Variants in MRPL42 observed in about 807,000 individuals in gnomAD.
MRPL42 encodes large ribosomal subunit protein mL42.
MRPL42 carries 17 observed loss-of-function variants against 17.9 expected under a neutral mutation model. The observed-to-expected ratio is 0.95, with a 90% CI of 0.65 to 1.42. The LOEUF is 1.42. MRPL42 is among the 40% of genes most tolerant of loss of function. MRPL42 has a pLI of 0.00. For synonymous variants in MRPL42, 59 were observed against 54.4 expected (o/e 1.08, Z -0.37); for missense variants, 177 against 175.2 (o/e 1.01, Z -0.06).
At chr12:93,469,376 T>C in intron 2 of MRPL42, 21 bp downstream of exon 2, 2 of 1,556,630 alleles carry the variant, frequency 1.3e-6, no homozygotes, top group East Asian at 4.6e-5. Context: ...TTTTTTTTAA[T>C]GTTTAAAAAC....
chr12:93,470,577 A>G (rs1879862597), intron 2 of MRPL42: 3 of 1,252,924 alleles, frequency 2.4e-6, no homozygotes, highest in African/African-American at 1.5e-5. Context: ...AATAGTGAAC[A>G]TAGTACCCAA....
At chr12:93,499,499 T>C (rs1346478463) in intron 5 of MRPL42, among the ~76,000 whole-genome samples, 1 of 152,170 alleles carries the variant, frequency 6.6e-6, no homozygotes, top group Non-Finnish European at 1.5e-5. Flanking sequence ...CCAAACTCCT[T>C]CTAGAACCAC....
At chr12:93,474,680 T>C (rs967045222) in intron 2 of MRPL42, among the ~76,000 whole-genome samples, 4 of 152,112 alleles carry the variant, frequency 2.6e-5, no homozygotes, top group African/African-American at 4.8e-5. Flanking sequence ...TGAGCAGTGT[T>C]GGCCTCCCAA....
chr12:93,502,060 T>C lies in MRPL42; in HGVS notation c.*839T>C, dbSNP rs2121284801. 6.6e-6 allele frequency: 1 copy of C among 152,276 alleles called. No homozygotes were observed. Among genetic ancestry groups the C allele is most frequent in the East Asian group, 1.9e-4 (1 of 5,180 alleles). The allele number at this position is 152,276 out of a possible 1,614,324, so 9.4% of individuals were successfully genotyped here. ...AACTATCAGGCTCCAAAGCTTTTTT[T>C]TAGTGCATCACAATGACAAAGGGGT... On this transcript the variant is annotated 3_prime_UTR_variant, in exon 6 of 6. Transcript: ENST00000549982.
Position 93,510,802 on chromosome 12 carries a change from A to G in MRPL42, c.*9581A>G, listed in dbSNP as rs1953718959. 6.6e-6 allele frequency: 1 copy of G among 152,162 alleles called. No homozygotes were observed. Among genetic ancestry groups the G allele is most frequent in the Non-Finnish European group, 1.5e-5 (1 of 68,030 alleles). 9.4% of individuals were successfully genotyped at this position (152,162 alleles called of 1,614,324 possible). A position where few individuals can be genotyped will look rare whatever the true frequency, so the allele number is the denominator to read the frequency against. On this transcript the variant is annotated 3_prime_UTR_variant, in exon 6 of 6. Coordinates refer to ENST00000549982, the MANE Select transcript of MRPL42 (RefSeq NM_014050.4). ...ATGATTGAAGTTATAATATTTCTTT[A>G]AATATTTTGGATAAATCTTTTGTCA...
chr12:93,515,586 C>T lies in MRPL42; in HGVS notation c.*14365C>T, dbSNP rs1953772044. 6.6e-6 allele frequency: 1 copy of T among 152,124 alleles called. No homozygotes were observed. The allele number at this position is 152,124 out of a possible 1,614,324, so 9.4% of individuals were successfully genotyped here. On this transcript the variant is annotated 3_prime_UTR_variant, in exon 6 of 6. Transcript: ENST00000549982. The stretch of plus-strand genomic sequence containing the variant: ...GTTTCGCCATTCTGGCCAGGCTGGT[C>T]TCGAGCTCCTGACCTCAAGTGATTC...
chr12:93,480,458 G>A (rs1258066104), intron 4 of MRPL42, among the ~76,000 whole-genome samples: 2 of 151,134 alleles, frequency 1.3e-5, no homozygotes, highest in African/African-American at 4.9e-5. Flanking sequence ...GATGGTTTAA[G>A]TCATCACATG....
intron 2 of MRPL42, 127 bp from the exon 3 acceptor site, chr12:93,476,827 G>T: frequency 3.8e-6 from 3 of 797,170 alleles, no homozygotes; most frequent in East Asian, 5.2e-5. Context: ...TGAATCCCTA[G>T]CCCCTAGCAC....
intron 2 of MRPL42, among the ~76,000 whole-genome samples, chr12:93,470,813 A>G (rs1305927232): frequency 6.6e-6 from 1 of 152,236 alleles, no homozygotes; most frequent in Non-Finnish European, 1.5e-5. Context: ...ATGTCTGTGT[A>G]ATAATCCATG....
Position 93,512,192 on chromosome 12 carries a change from C to T in MRPL42, c.*10971C>T, listed in dbSNP as rs11107054. 0.67 allele frequency: 101,943 copies of T among 152,066 alleles called. 34,409 individuals are homozygous for T. Among genetic ancestry groups the T allele is most frequent in the Middle Eastern group, 0.72 (212 of 294 alleles). 9.4% of individuals were successfully genotyped at this position (152,066 alleles called of 1,614,324 possible). On this transcript the variant is annotated 3_prime_UTR_variant, in exon 6 of 6. Coordinates refer to ENST00000549982, the MANE Select transcript of MRPL42 (RefSeq NM_014050.4). ...TTGGGCTGGGTGCGGTGGCTCATGC[C>T]TGTAATCCCAGCACTTTGGGAGGCC...
rs1298847051 is a variant in MRPL42 at position 93,502,297 on chromosome 12, C to T, written c.*1076C>T. 6.6e-6 allele frequency: 1 copy of T among 152,102 alleles called. No individual in the cohort carries two copies. Among genetic ancestry groups the T allele is most frequent in the Non-Finnish European group, 1.5e-5 (1 of 68,030 alleles). 9.4% of individuals were successfully genotyped at this position (152,102 alleles called of 1,614,324 possible). On this transcript the variant is annotated 3_prime_UTR_variant, in exon 6 of 6. Transcript: ENST00000549982. Reference sequence around the variant, plus strand: ...TAGATAATTCTGCTGCCTCTATTAGCTTATGTATGATCCTTAATAGCATTG... The same window carrying T: ...TAGATAATTCTGCTGCCTCTATTAGTTTATGTATGATCCTTAATAGCATTG...
Position 93,514,430 on chromosome 12 carries a change from A to C in MRPL42, c.*13209A>C, listed in dbSNP as rs564481816. 7.1e-6 allele frequency: 1 copy of C among 141,734 alleles called. No homozygotes were observed. Among genetic ancestry groups the C allele is most frequent in the Non-Finnish European group, 1.5e-5 (1 of 65,488 alleles). 8.8% of individuals were successfully genotyped at this position (141,734 alleles called of 1,614,324 possible). On this transcript the variant is annotated 3_prime_UTR_variant, in exon 6 of 6. Transcript: ENST00000549982. ...TGGGATTACAGGCACCCACCACCAC[A>C]CCTGGCTAATTTTTTTTTTTGGTAG...
chr12:93,468,634 A>T (rs189803106), intron 1 of MRPL42, among the ~76,000 whole-genome samples: 1 of 152,314 alleles, frequency 6.6e-6, no homozygotes, highest in Admixed American at 6.5e-5. Context: ...TACACATATA[A>T]GATGGTGAAA....
intron 5 of MRPL42, among the ~76,000 whole-genome samples, chr12:93,496,452 A>G (rs1027131930): frequency 6.6e-6 from 1 of 152,096 alleles, no homozygotes; most frequent in Non-Finnish European, 1.5e-5. Context: ...TACCTAATAA[A>G]CTATAATTAT....
intron 5 of MRPL42, among the ~76,000 whole-genome samples, chr12:93,491,903 A>T (rs145185528): frequency 2.6e-4 from 39 of 152,340 alleles, no homozygotes; most frequent in African/African-American, 8.9e-4. Context: ...TTCGCTTAGG[A>T]TAATGGCTTC....
intron 5 of MRPL42, 139 bp downstream of exon 5, chr12:93,487,799 T>C (rs1592779232): frequency 4.7e-6 from 3 of 631,612 alleles, no homozygotes; most frequent in East Asian, 6.6e-5. Flanking sequence ...TATGTTGTAC[T>C]TTTTTTTTCT....
chr12:93,485,195 CTG>C (rs1880686120), intron 4 of MRPL42, among the ~76,000 whole-genome samples: 1 of 138,592 alleles, frequency 7.2e-6, no homozygotes, highest in South Asian at 2.4e-4. Context: ...CAGGGTCTGT[CTG>C]TGTCACCAAG....
In MRPL42 at chr12:93,504,697, C is replaced by T. The variant is rs1217891734; in HGVS notation, c.*3476C>T. 6.6e-6 allele frequency: 1 copy of T among 152,198 alleles called. No homozygotes were observed. Among genetic ancestry groups the T allele is most frequent in the Non-Finnish European group, 1.5e-5 (1 of 68,072 alleles). 9.4% of individuals were successfully genotyped at this position (152,198 alleles called of 1,614,324 possible). A position where few individuals can be genotyped will look rare whatever the true frequency, so the allele number is the denominator to read the frequency against. The stretch of plus-strand genomic sequence containing the variant: ...ACCATAATGTGTTTCTTCTACCTCC[C>T]CTGCACAACATTGTTTATATGCCCC... On this transcript the variant is annotated 3_prime_UTR_variant, in exon 6 of 6. Coordinates refer to ENST00000549982, the MANE Select transcript of MRPL42 (RefSeq NM_014050.4).
intron 4 of MRPL42, 42 bp from the exon 5 acceptor site, chr12:93,487,455 A>G: frequency 6.4e-7 from 1 of 1,551,932 alleles, no homozygotes; most frequent in African/African-American, 1.4e-5. Flanking sequence ...GCTGGCTAAC[A>G]TTCCCACATC....
Sources: gnomAD v4.1 joint callset for allele counts (sites outside exome capture counted in the v4.1 genomes callset) on GRCh38, gnomAD v4.1.1 for gene constraint, MANE v1.5 for transcripts, NCBI Gene and HGNC (gene_info 2026-07-23, HGNC 2026-07-21) for gene names.